Variants in TNKS observed in about 807,000 individuals in gnomAD.
TNKS encodes poly [ADP-ribose] polymerase tankyrase-1.
In TNKS, 72 loss-of-function variants were observed where a neutral mutation model predicts 135.8. The observed-to-expected ratio is 0.53, with a 90% CI of 0.44 to 0.64. The LOEUF (loss-of-function observed/expected upper bound fraction) is 0.64, where lower values mean the gene tolerates loss of function less well. Ranked by LOEUF, TNKS falls within the 30% of genes least tolerant of loss-of-function variation. The probability of loss-of-function intolerance (pLI) is 0.00; values close to 1 mark genes in which losing one functional copy is unlikely to be tolerated. For synonymous variants in TNKS, 849 were observed against 649.3 expected, an observed-to-expected ratio of 1.31 and a Z score of -4.68; for missense variants, 1,769 against 1,674.0, an observed-to-expected ratio of 1.06 and a Z score of -0.99.
chr8:9,609,270 T>G (rs1006467831), intron 2 of TNKS, among the ~76,000 whole-genome samples: 1 of 152,234 alleles, frequency 6.6e-6, no homozygotes, highest in Non-Finnish European at 1.5e-5. Flanking sequence ...ATCTTGGCTG[T>G]GCACTGGACA....
intron 1 of TNKS, among the ~76,000 whole-genome samples, chr8:9,562,661 C>T (rs527576179): frequency 3.3e-5 from 5 of 152,226 alleles, no homozygotes; most frequent in African/African-American, 1.2e-4. Flanking sequence ...TTGATACTTC[C>T]AATTCAAACT....
At chr8:9,568,163 G>A (rs1371913226) in intron 1 of TNKS, among the ~76,000 whole-genome samples, 1 of 152,204 alleles carries the variant, frequency 6.6e-6, no homozygotes, top group Non-Finnish European at 1.5e-5. Flanking sequence ...TTAATGAAGT[G>A]TTTATGGAAA....
At chr8:9,684,877 G>C (rs895175054) in intron 5 of TNKS, among the ~76,000 whole-genome samples, 1 of 152,108 alleles carries the variant, frequency 6.6e-6, no homozygotes, top group African/African-American at 2.4e-5. Flanking sequence ...AGACATTGAA[G>C]CTAATGCATT....
chr8:9,699,010 T>C (rs1008983832), intron 5 of TNKS, among the ~76,000 whole-genome samples: 8 of 152,230 alleles, frequency 5.3e-5, no homozygotes, highest in Admixed American at 3.9e-4. Flanking sequence ...TAATTTACTT[T>C]ACATGTTTGT....
At chr8:9,678,908 G>C (rs1802655634) in intron 3 of TNKS, among the ~76,000 whole-genome samples, 1 of 152,044 alleles carries the variant, frequency 6.6e-6, no homozygotes, top group Non-Finnish European at 1.5e-5. Flanking sequence ...TATTTCTTTA[G>C]TGATGTAGCA....
intron 5 of TNKS, among the ~76,000 whole-genome samples, chr8:9,695,314 A>T (rs4240630): frequency 0.82 from 125,344 of 152,150 alleles, 51,869 homozygotes; most frequent in Admixed American, 0.88. Flanking sequence ...TATTAAGAAG[A>T]TATGTATGAA....
intron 3 of TNKS, among the ~76,000 whole-genome samples, chr8:9,643,883 A>G (rs1800813625): frequency 6.6e-6 from 1 of 152,218 alleles, no homozygotes; most frequent in Admixed American, 6.5e-5. Flanking sequence ...GTGTCCATCA[A>G]GAGATAAACC....
chr8:9,667,053 A>C (rs1381283124), intron 3 of TNKS, among the ~76,000 whole-genome samples: 2 of 152,126 alleles, frequency 1.3e-5, no homozygotes, highest in Non-Finnish European at 2.9e-5. Context: ...GCAGTATTCT[A>C]ATAAGACAAA....
intron 20 of TNKS, among the ~76,000 whole-genome samples, chr8:9,754,925 C>G (rs914976028): frequency 1.3e-5 from 2 of 152,194 alleles, no homozygotes; most frequent in African/African-American, 4.8e-5. Flanking sequence ...TATTCCCTAA[C>G]TGAAGGTGTG....
rs746211004 is a variant in TNKS, at chr8:9,704,705, A to G, written c.1150A>G (p.Ile384Val). 29 of 1,613,518 alleles carry G rather than the reference A, an allele frequency of 1.8e-5. No homozygotes were observed. Among genetic ancestry groups the G allele is most frequent in the Non-Finnish European group, 2.3e-5 (27 of 1,179,632 alleles). Residue 384 changes from isoleucine (I) to valine (V), a missense_variant, in exon 6 of 27, where the codon ATA (isoleucine) becomes GTA (valine). Ile to Val is a conservative substitution (Grantham distance 29). Transcript: ENST00000310430. The stretch of plus-strand genomic sequence containing the variant: ...AGCAGCGGGCTACAACAGAGTTCGA[A>G]TAGTTCAGCTTCTTCTTCAGCATGG... ...HLAAGYNRVRIVQLLLQHGAD... is the reference protein window; with the variant it reads ...HLAAGYNRVRVVQLLLQHGAD...
At chr8:9,720,859 A>G (rs1374129192) in intron 12 of TNKS, among the ~76,000 whole-genome samples, 5 of 152,256 alleles carry the variant, frequency 3.3e-5, no homozygotes, top group Non-Finnish European at 7.3e-5. Context: ...CAAATAGAGA[A>G]AATTATAAAT....
At chr8:9,628,992 C>T (rs1468284932) in intron 3 of TNKS, among the ~76,000 whole-genome samples, 1 of 152,168 alleles carries the variant, frequency 6.6e-6, no homozygotes, top group African/African-American at 2.4e-5. Context: ...GTGTTCAGTT[C>T]ATCATCCAGT....
chr8:9,715,536 A>G (rs988506093), intron 11 of TNKS, among the ~76,000 whole-genome samples: 28 of 151,760 alleles, frequency 1.8e-4, no homozygotes, highest in African/African-American at 6.8e-4. Flanking sequence ...TCCTCCCAGT[A>G]CCCCCCATCT....
At chr8:9,763,068 T>A in intron 21 of TNKS, 79 bp from the exon 22 acceptor site, 3 of 551,024 alleles carry the variant, frequency 5.4e-6, no homozygotes. Flanking sequence ...TATGAATTTT[T>A]TTTTTTTTTT....
chr8:9,621,214 C>T (rs527577492), intron 3 of TNKS, among the ~76,000 whole-genome samples: 2 of 152,010 alleles, frequency 1.3e-5, no homozygotes, highest in South Asian at 2.1e-4. Flanking sequence ...TCAGATGGCT[C>T]TTATGATTGA....
chr8:9,630,745 C>T (rs932474620), intron 3 of TNKS, among the ~76,000 whole-genome samples: 4 of 152,140 alleles, frequency 2.6e-5, no homozygotes, highest in Non-Finnish European at 5.9e-5. Flanking sequence ...TCAGAATTGT[C>T]ATTAGGTTTC....
At chr8:9,743,964 ATTTAC>A (rs1806101655) in intron 17 of TNKS, among the ~76,000 whole-genome samples, 1 of 152,062 alleles carries the variant, frequency 6.6e-6, no homozygotes, top group South Asian at 2.1e-4. Context: ...TTACATAGTT[ATTTAC>A]TTATGTAGTT....
intron 2 of TNKS, among the ~76,000 whole-genome samples, chr8:9,591,290 T>C (rs1013566890): frequency 1.3e-5 from 2 of 152,236 alleles, no homozygotes; most frequent in African/African-American, 2.4e-5. Context: ...TGTGTGTGCA[T>C]ATCGTTAGTT....
At chr8:9,741,655 CCCATCAGTTAAGATGTTACTTACT>C (rs1805965873) in intron 17 of TNKS, 2 of 491,140 alleles carry the variant, frequency 4.1e-6, no homozygotes, top group Non-Finnish European at 8.7e-6. Flanking sequence ...CCTTTTGATC[CCCATCAGTTAAGATGTTACTTACT>C]CTACGTGTGT....
Sources: allele counts gnomAD v4.1 joint callset (sites outside exome capture counted in the v4.1 genomes callset), GRCh38; gene constraint gnomAD v4.1.1; transcripts MANE v1.5; gene names NCBI Gene and HGNC (gene_info 2026-07-23, HGNC 2026-07-21).